EYA2: variants seen among roughly 807,000 people sequenced by gnomAD.
EYA2 encodes protein phosphatase EYA2.
Under a neutral mutation model 69.2 loss-of-function variants are expected in EYA2, and 31 were observed. The ratio of observed to expected loss-of-function variants is 0.45; its 90% CI spans 0.34 to 0.60. The LOEUF is 0.60. Ranked by LOEUF, EYA2 falls within the 20% of genes least tolerant of loss-of-function variation. The pLI is 0.02. For missense variants in EYA2, 622 were observed against 701.2 expected (o/e 0.89, Z 1.28); for synonymous variants, 257 against 279.4 (o/e 0.92, Z 0.80).
intron 1 of EYA2, among the ~76,000 whole-genome samples, chr20:46,988,970 T>C (rs1007775745): frequency 4.6e-5 from 7 of 151,950 alleles, no homozygotes; most frequent in Admixed American, 6.6e-5. Flanking sequence ...CCTCCCAAAG[T>C]GCTGGAACTG....
At chr20:47,179,278 G>GGGTGGA (rs2034485239) in intron 12 of EYA2, among the ~76,000 whole-genome samples, 1 of 134,602 alleles carries the variant, frequency 7.4e-6, no homozygotes, top group African/African-American at 2.8e-5. Flanking sequence ...GGATGGGTGT[G>GGGTGGA]TGGGTGGATG....
At chr20:47,020,332 A>G (rs1456916268) in intron 5 of EYA2, among the ~76,000 whole-genome samples, 2 of 152,164 alleles carry the variant, frequency 1.3e-5, no homozygotes, top group Admixed American at 1.3e-4. Flanking sequence ...ACTTTAGCAC[A>G]GCCATCACCC....
intron 1 of EYA2, among the ~76,000 whole-genome samples, chr20:46,896,392 C>T (rs1489790176): frequency 7.0e-6 from 1 of 143,694 alleles, no homozygotes; most frequent in African/African-American, 2.8e-5. Context: ...ACACATGTAA[C>T]CATCCTGCTT....
chr20:47,114,366 A>G (rs1439014441), intron 9 of EYA2, among the ~76,000 whole-genome samples: 2 of 152,206 alleles, frequency 1.3e-5, no homozygotes, highest in African/African-American at 4.8e-5. Context: ...CTGTAATCCC[A>G]GCACTTGGGA....
intron 1 of EYA2, among the ~76,000 whole-genome samples, chr20:46,910,098 TAAAG>T (rs1484601159): frequency 6.6e-6 from 1 of 152,204 alleles, no homozygotes; most frequent in Non-Finnish European, 1.5e-5. Context: ...TGCACTGCTA[TAAAG>T]AAATACCTGA....
At chr20:46,966,851 C>T (rs1319842542) in intron 1 of EYA2, among the ~76,000 whole-genome samples, 1 of 151,872 alleles carries the variant, frequency 6.6e-6, no homozygotes, top group African/African-American at 2.4e-5. Context: ...TTTTATTTAA[C>T]TCAAGATGTC....
At chr20:46,915,016 C>T (rs943542687) in intron 1 of EYA2, among the ~76,000 whole-genome samples, 4 of 152,158 alleles carry the variant, frequency 2.6e-5, no homozygotes, top group African/African-American at 7.2e-5. Context: ...TTTTCTCTAC[C>T]GGAGATGGGA....
chr20:47,087,771 G>A (rs1014214050), intron 7 of EYA2, among the ~76,000 whole-genome samples: 9 of 152,136 alleles, frequency 5.9e-5, no homozygotes, highest in African/African-American at 9.7e-5. Context: ...TCTGTGCTGC[G>A]TCTCTCACTA....
intron 8 of EYA2, among the ~76,000 whole-genome samples, chr20:47,093,043 G>T (rs961057102): frequency 2.0e-5 from 3 of 152,194 alleles, no homozygotes; most frequent in African/African-American, 7.2e-5. Flanking sequence ...TATCAGCGAG[G>T]CACTGGAACC....
At chr20:46,903,621 C>T (rs1481805415) in intron 1 of EYA2, among the ~76,000 whole-genome samples, 1 of 152,118 alleles carries the variant, frequency 6.6e-6, no homozygotes, top group African/African-American at 2.4e-5. Context: ...CCAGACTTTT[C>T]GGTGCCTCAG....
chr20:47,074,985 C>T (rs1236693733), intron 7 of EYA2, among the ~76,000 whole-genome samples: 1 of 152,200 alleles, frequency 6.6e-6, no homozygotes, highest in East Asian at 1.9e-4. Context: ...ATGGCAGGCA[C>T]CTGTAATCCC....
chr20:47,074,937 C>T (rs1407274207), intron 7 of EYA2, among the ~76,000 whole-genome samples: 1 of 152,134 alleles, frequency 6.6e-6, no homozygotes, highest in South Asian at 2.1e-4. Context: ...CATGATGAAA[C>T]CCCATCTCTA....
intron 1 of EYA2, among the ~76,000 whole-genome samples, chr20:46,909,431 C>T (rs1283598630): frequency 6.6e-6 from 1 of 152,106 alleles, no homozygotes; most frequent in Non-Finnish European, 1.5e-5. Context: ...CTGAAATCAT[C>T]GTCGGCCTCC....
intron 6 of EYA2, 142 bp downstream of exon 6, chr20:47,072,394 GC>G (rs1390794686): frequency 2.7e-6 from 2 of 750,064 alleles, no homozygotes; most frequent in East Asian, 2.7e-5. Context: ...GACTACAGGG[GC>G]TAGATTGTGC....
chr20:46,950,635 G>T (rs997526418), intron 1 of EYA2, among the ~76,000 whole-genome samples: 1 of 152,224 alleles, frequency 6.6e-6, no homozygotes, highest in Non-Finnish European at 1.5e-5. Flanking sequence ...GGCGGAGGTC[G>T]TACTCAAATT....
intron 1 of EYA2, among the ~76,000 whole-genome samples, chr20:46,940,413 T>C (rs1176988065): frequency 2.0e-5 from 3 of 152,168 alleles, no homozygotes; most frequent in Non-Finnish European, 2.9e-5. Flanking sequence ...TGGTCCTGTG[T>C]GGAGAGCCAG....
chr20:46,922,473 A>G (rs1985222713), intron 1 of EYA2, among the ~76,000 whole-genome samples: 1 of 152,240 alleles, frequency 6.6e-6, no homozygotes, highest in Non-Finnish European at 1.5e-5. Context: ...GTAAACAGTG[A>G]ATTTTGAAAT....
At chr20:47,184,603 T>TTA (rs60573435) in intron 15 of EYA2, among the ~76,000 whole-genome samples, 1 of 150,944 alleles carries the variant, frequency 6.6e-6, no homozygotes, top group African/African-American at 2.4e-5. Flanking sequence ...TTTTTTTTTT[T>TTA]ATAGAGATGG....
intron 9 of EYA2, among the ~76,000 whole-genome samples, chr20:47,117,833 C>A (rs2032944741): frequency 6.6e-6 from 1 of 152,206 alleles, no homozygotes; most frequent in African/African-American, 2.4e-5. Context: ...TTCATTTCTG[C>A]CGTTCATACA....
Sources: allele counts gnomAD v4.1 joint callset (sites outside exome capture counted in the v4.1 genomes callset), GRCh38; gene constraint gnomAD v4.1.1; transcripts MANE v1.5; gene names NCBI Gene and HGNC (gene_info 2026-07-23, HGNC 2026-07-21).